RASAL2: variants seen among roughly 807,000 people sequenced by gnomAD.
RASAL2 encodes the protein ras GTPase-activating protein nGAP.
RASAL2 carries 58 observed loss-of-function variants against 128.9 expected under a neutral mutation model. That is an observed-to-expected ratio of 0.45 (90% confidence interval 0.36 to 0.56). RASAL2 has a LOEUF of 0.56. Among genes scored for constraint, RASAL2 ranks in the 20% least tolerant of loss-of-function variants. The pLI is 0.00. For missense variants in RASAL2, 1,360 were observed against 1,601.6 expected (o/e 0.85, Z 2.57); for synonymous variants, 561 against 580.8 (o/e 0.97, Z 0.49).
intron 3 of RASAL2, among the ~76,000 whole-genome samples, chr1:178,325,686 G>A (rs1347190402): frequency 6.6e-6 from 1 of 152,228 alleles, no homozygotes; most frequent in African/African-American, 2.4e-5. Context: ...GAAAGAAACT[G>A]TATGCAGAAT....
chr1:178,158,594 G>A (rs1661163585), intron 1 of RASAL2, among the ~76,000 whole-genome samples: 1 of 152,166 alleles, frequency 6.6e-6, no homozygotes, highest in African/African-American at 2.4e-5. Flanking sequence ...TTTATATGTA[G>A]CATCTAGCAC....
At chr1:178,449,651 G>A (rs186280211) in intron 9 of RASAL2, among the ~76,000 whole-genome samples, 218 of 151,950 alleles carry the variant, frequency 1.4e-3, no homozygotes, top group African/African-American at 5.1e-3. Context: ...ATCAATAAAA[G>A]CCTCTCCTTT....
At chr1:178,416,524 G>A (rs546077338) in intron 4 of RASAL2, among the ~76,000 whole-genome samples, 1 of 151,994 alleles carries the variant, frequency 6.6e-6, no homozygotes, top group Admixed American at 6.5e-5. Context: ...AAAATAAAAG[G>A]TGGTTTTATT....
chr1:178,191,299 A>G (rs1436341351), intron 1 of RASAL2, among the ~76,000 whole-genome samples: 1 of 152,066 alleles, frequency 6.6e-6, no homozygotes, highest in African/African-American at 2.4e-5. Flanking sequence ...AAATTTCAGT[A>G]TGTTGTGAGC....
At chr1:178,269,734 T>G (rs1666157018) in intron 1 of RASAL2, among the ~76,000 whole-genome samples, 1 of 152,206 alleles carries the variant, frequency 6.6e-6, no homozygotes, top group African/African-American at 2.4e-5. Context: ...TTTAGCATAT[T>G]ATCAAGAAAT....
At chr1:178,250,725 T>A (rs1300263570) in intron 1 of RASAL2, among the ~76,000 whole-genome samples, 2 of 152,160 alleles carry the variant, frequency 1.3e-5, no homozygotes, top group African/African-American at 4.8e-5. Context: ...CTTATTTCTT[T>A]ATAAAAGTTT....
At position 178,445,550 on chromosome 1, in the gene RASAL2, G is replaced by A; in HGVS notation, c.1515G>A (p.Val505=). 1.9e-6 allele frequency: 3 copies of A among 1,613,680 alleles called. No individual in the cohort carries two copies. Among genetic ancestry groups the A allele is most frequent in the Non-Finnish European group, 2.5e-6 (3 of 1,179,722 alleles). Residue 505 remains valine (V), a synonymous_variant, in exon 9 of 18, where the codon GTG becomes GTA. Coordinates refer to ENST00000367649, the MANE Select transcript of RASAL2 (RefSeq NM_170692.4). ...DFLTDLVMSE[V]DRCGEHDVLI... ...TGACTGACTTGGTGATGTCTGAGGT[G>A]GATCGTTGTGGAGAGCATGATGTCT...
chr1:178,354,439 G>C (rs901107768), intron 3 of RASAL2, among the ~76,000 whole-genome samples: 1 of 152,160 alleles, frequency 6.6e-6, no homozygotes, highest in African/African-American at 2.4e-5. Flanking sequence ...CCAAGGCTGG[G>C]ATGTCCATTA....
intron 5 of RASAL2, among the ~76,000 whole-genome samples, chr1:178,428,195 G>T (rs990991641): frequency 5.3e-5 from 8 of 152,022 alleles, no homozygotes; most frequent in Non-Finnish European, 1.2e-4. Context: ...AGACGTTTGG[G>T]TTGTTTCCAG....
At chr1:178,371,852 G>C (rs1671735521) in intron 3 of RASAL2, among the ~76,000 whole-genome samples, 1 of 152,054 alleles carries the variant, frequency 6.6e-6, no homozygotes, top group African/African-American at 2.4e-5. Context: ...TCCAGTGTAG[G>C]AACCTGTTTC....
chr1:178,311,647 G>A (rs1204804623), intron 3 of RASAL2, among the ~76,000 whole-genome samples: 2 of 152,136 alleles, frequency 1.3e-5, no homozygotes, highest in African/African-American at 4.8e-5. Context: ...TGTGCACGCT[G>A]AATGATGGGA....
At chr1:178,135,341 T>G (rs1306968658) in intron 1 of RASAL2, among the ~76,000 whole-genome samples, 1 of 152,154 alleles carries the variant, frequency 6.6e-6, no homozygotes, top group East Asian at 1.9e-4. Flanking sequence ...GTTTATACTT[T>G]CTATTTTCAT....
intron 3 of RASAL2, among the ~76,000 whole-genome samples, chr1:178,331,673 G>A (rs1158962237): frequency 7.3e-6 from 1 of 136,622 alleles, no homozygotes; most frequent in Non-Finnish European, 1.5e-5. Flanking sequence ...TGCAACCTCC[G>A]CCTCCTGGGT....
At chr1:178,313,845 A>G (rs1377382620) in intron 3 of RASAL2, among the ~76,000 whole-genome samples, 1 of 152,154 alleles carries the variant, frequency 6.6e-6, no homozygotes, top group African/African-American at 2.4e-5. Flanking sequence ...TTCCTTATCT[A>G]AGGTAAGGAA....
At chr1:178,412,446 A>G (rs916488982) in intron 4 of RASAL2, among the ~76,000 whole-genome samples, 55 of 152,192 alleles carry the variant, frequency 3.6e-4, no homozygotes, top group African/African-American at 1.1e-3. Flanking sequence ...TCAACTAAAT[A>G]GAGCTGTGAG....
chr1:178,365,031 A>C (rs1217831432), intron 3 of RASAL2, among the ~76,000 whole-genome samples: 1 of 151,848 alleles, frequency 6.6e-6, no homozygotes, highest in Non-Finnish European at 1.5e-5. Context: ...TCTGTTGAGC[A>C]CATGTTTTAT....
chr1:178,364,490 A>T (rs2102490868), intron 3 of RASAL2, among the ~76,000 whole-genome samples: 1 of 152,352 alleles, frequency 6.6e-6, no homozygotes, highest in East Asian at 1.9e-4. Flanking sequence ...GGAGAAAATG[A>T]GAGGTTAATA....
intron 2 of RASAL2, among the ~76,000 whole-genome samples, chr1:178,296,467 C>G (rs754159430): frequency 3.3e-5 from 5 of 152,042 alleles, no homozygotes; most frequent in African/African-American, 9.7e-5. Flanking sequence ...TTAAGTGATC[C>G]TCTTGCCTCA....
chr1:178,467,421 G>C lies in RASAL2; in HGVS notation c.3678G>C (p.Gln1226His), dbSNP rs1488324452. 6.2e-7 allele frequency: 1 copy of C among 1,612,638 alleles called. No homozygotes were observed. Among genetic ancestry groups the C allele is most frequent in the Non-Finnish European group, 8.5e-7 (1 of 1,178,678 alleles). ...CAAAGCAGAAAATAATTGATGCACA[G>C]GTAAGCAGGCTTTGAATCTAATAGA... ...IDAKQKIIDA[Q>H]EKRIVSLDSA... Residue 1226 changes from glutamine to histidine, a missense_variant and splice_region_variant, in exon 17 of 18, where the codon CAG becomes CAC. Coordinates refer to ENST00000367649, the MANE Select transcript of RASAL2 (RefSeq NM_170692.4).
Sources: allele counts gnomAD v4.1 joint callset (sites outside exome capture counted in the v4.1 genomes callset), GRCh38; gene constraint gnomAD v4.1.1; transcripts MANE v1.5; gene names NCBI Gene and HGNC (gene_info 2026-07-23, HGNC 2026-07-21).